TNFAIP8L1: variants seen among roughly 807,000 people sequenced by gnomAD.
TNFAIP8L1 encodes the protein tumor necrosis factor alpha-induced protein 8-like protein 1.
For missense variants in TNFAIP8L1, 225 were observed against 266.1 expected (o/e 0.85, Z 1.08); for synonymous variants, 127 against 125.6 (o/e 1.01, Z -0.08).
At chr19:4,651,405 C>T (rs1484509961) in intron 1 of TNFAIP8L1, among the ~76,000 whole-genome samples, 1 of 151,726 alleles carries the variant, frequency 6.6e-6, no homozygotes, top group African/African-American at 2.4e-5. Context: ...GTCTCAAACT[C>T]CTGGCCTCGC....
Position 4,652,541 on chromosome 19 carries a change from C to A in TNFAIP8L1, c.*111C>A. ...TCTTTTCTCCCAATCGGACTCCGGC[C>A]AAACTCCCCTAGACAGATGGGTGAC... On this transcript the variant is annotated 3_prime_UTR_variant, in exon 2 of 2. Transcript: ENST00000327473. The A allele has an allele frequency of 2.7e-6, 3 of 1,103,056 alleles. No individual in the cohort carries two copies. Among genetic ancestry groups the A allele is most frequent in the Non-Finnish European group, 2.5e-6 (2 of 785,976 alleles). The allele number at this position is 1,103,056 out of a possible 1,614,324, so 68.3% of individuals were successfully genotyped here.
Position 4,652,008 on chromosome 19 carries a change from A to G in TNFAIP8L1, c.139A>G (p.Arg47Gly). Residue 47 changes from arginine to glycine, a missense_variant, in exon 2 of 2, where the codon AGG (arginine) becomes GGG (glycine). Coordinates refer to ENST00000327473, the MANE Select transcript of TNFAIP8L1 (RefSeq NM_152362.3). ...EVLDELYRAT[R>G]EFTRSRKEAQ... The stretch of plus-strand genomic sequence containing the variant: ...GCTGGATGAGCTGTACCGCGCCACC[A>G]GGGAGTTCACGCGCAGCCGCAAGGA... 3 of 1,614,128 alleles carry G rather than the reference A, an allele frequency of 1.9e-6. No individual in the cohort carries two copies. The highest frequency in any genetic ancestry group is 2.5e-6 in the Non-Finnish European group (3 of 1,180,002).
Position 4,652,121 on chromosome 19 carries a change from G to C in TNFAIP8L1, c.252G>C (p.Leu84=), listed in dbSNP as rs1462345458. Residue 84 remains leucine, a synonymous_variant, in exon 2 of 2, where the codon CTG becomes CTC. Transcript: ENST00000327473. ...LRGDQLGGEE[L]ALLRRFRHRA... ...GGGACCAGCTGGGCGGTGAGGAGCT[G>C]GCGCTGCTGCGGCGCTTCCGCCACC... 2 of 1,584,188 alleles carry C rather than the reference G, an allele frequency of 1.3e-6. No individual in the cohort carries two copies. Among genetic ancestry groups the C allele is most frequent in the African/African-American group, 2.7e-5 (2 of 74,154 alleles).
At chr19:4,642,263 C>T (rs2088267929) in intron 1 of TNFAIP8L1, 1 of 152,148 alleles carries the variant, frequency 6.6e-6, no homozygotes, top group Non-Finnish European at 1.5e-5. Context: ...GCCGGATCAC[C>T]TGAGGTCAGG....
rs112877986 is a variant in TNFAIP8L1, at chr19:4,653,296, T to G, written c.*866T>G. The stretch of plus-strand genomic sequence containing the variant: ...TCCAGCCTGGGTGACAGAGCAAGAC[T>G]CTGTCTCAAAAAAAGAAGCGGGGGA... On this transcript the variant is annotated 3_prime_UTR_variant, in exon 2 of 2. Coordinates refer to ENST00000327473, the MANE Select transcript of TNFAIP8L1 (RefSeq NM_152362.3). 10,598 of 166,404 alleles carry G rather than the reference T, an allele frequency of 0.064. 392 individuals are homozygous for G. Among genetic ancestry groups the G allele is most frequent in the African/African-American group, 0.093 (3,826 of 41,154 alleles). 10.3% of individuals were successfully genotyped at this position (166,404 alleles called of 1,614,324 possible).
chr19:4,649,305 C>T (rs1415543109), intron 1 of TNFAIP8L1, among the ~76,000 whole-genome samples: 3 of 151,692 alleles, frequency 2.0e-5, no homozygotes, highest in East Asian at 1.9e-4. Flanking sequence ...GAGGTGGGCA[C>T]GGAAGGGCGG....
At chr19:4,647,069 T>C (rs975932605) in intron 1 of TNFAIP8L1, among the ~76,000 whole-genome samples, 1 of 152,222 alleles carries the variant, frequency 6.6e-6, no homozygotes, top group Non-Finnish European at 1.5e-5. Context: ...CTAGAGAACA[T>C]TCCATTGTTT....
At chr19:4,642,652 G>A (rs984198729) in intron 1 of TNFAIP8L1, among the ~76,000 whole-genome samples, 1 of 149,830 alleles carries the variant, frequency 6.7e-6, no homozygotes, top group Admixed American at 6.6e-5. Flanking sequence ...CACAGGTTGT[G>A]TAAAGGCCCT....
chr19:4,651,061 G>T (rs1388727244), intron 1 of TNFAIP8L1, among the ~76,000 whole-genome samples: 2 of 151,962 alleles, frequency 1.3e-5, no homozygotes, highest in African/African-American at 2.4e-5. Context: ...GGGACTGGAG[G>T]CACTGCCATA....
Position 4,654,058 on chromosome 19 carries a change from C to G in TNFAIP8L1, c.*1628C>G, listed in dbSNP as rs992526045. On this transcript the variant is annotated 3_prime_UTR_variant, in exon 2 of 2. Coordinates refer to ENST00000327473, the MANE Select transcript of TNFAIP8L1 (RefSeq NM_152362.3). ...AGATCCCCTTCAGCCTTGGAGGGAC[C>G]TAGCCCTGGCCACACCTTCATCTCA... The G allele has an allele frequency of 6.6e-6, 1 of 152,324 alleles. No homozygotes were observed. The allele number at this position is 152,324 out of a possible 1,614,324, so 9.4% of individuals were successfully genotyped here.
intron 1 of TNFAIP8L1, among the ~76,000 whole-genome samples, chr19:4,647,270 CTG>C (rs1298047281): frequency 4.6e-5 from 7 of 152,066 alleles, no homozygotes; most frequent in African/African-American, 1.4e-4. Context: ...CCTATGGTAA[CTG>C]TGTGTTTAGA....
rs2088379479 is a variant in TNFAIP8L1 at position 4,652,476 on chromosome 19, C to T, written c.*46C>T. Reference sequence around the variant, plus strand: ...CGCCCCTCGCGCCTTTTGGGGCTCTCCTGCTGGGCGCGGGTGGGGTTTGTG... The same window carrying T: ...CGCCCCTCGCGCCTTTTGGGGCTCTTCTGCTGGGCGCGGGTGGGGTTTGTG... On this transcript the variant is annotated 3_prime_UTR_variant, in exon 2 of 2. Transcript: ENST00000327473. The T allele has an allele frequency of 6.2e-6, 9 of 1,455,648 alleles. No individual in the cohort carries two copies. Among genetic ancestry groups the T allele is most frequent in the South Asian group, 1.4e-5 (1 of 70,142 alleles). The allele number at this position is 1,455,648 out of a possible 1,614,324, so 90.2% of individuals were successfully genotyped here.
chr19:4,652,078 T>G lies in TNFAIP8L1; in HGVS notation c.209T>G (p.Leu70Arg). Reference sequence around the variant, plus strand: ...AACCTGGTCAAGGTGGCCCTGAAGCTGGGACTGCTGCTGCGTGGGGACCAG... The same window carrying G: ...AACCTGGTCAAGGTGGCCCTGAAGCGGGGACTGCTGCTGCGTGGGGACCAG... ...LKNLVKVALK[L>R]GLLLRGDQLG... The change falls in exon 2 of 2, where the codon CTG (leucine) becomes CGG (arginine). Residue 70 changes from leucine to arginine, a missense_variant. By Grantham distance (102) the Leu-to-Arg change is moderately radical. Coordinates refer to ENST00000327473, the MANE Select transcript of TNFAIP8L1 (RefSeq NM_152362.3). 6.2e-7 allele frequency: 1 copy of G among 1,607,790 alleles called. No individual in the cohort carries two copies. The highest frequency in any genetic ancestry group is 8.5e-7 in the Non-Finnish European group (1 of 1,177,162).
At position 4,654,346 on chromosome 19, in the gene TNFAIP8L1, ATTTAT is replaced by A. The variant is rs1274760867; in HGVS notation, c.*1919_*1923del. 6.6e-6 allele frequency: 1 copy of A among 152,034 alleles called. No homozygotes were observed. The allele number at this position is 152,034 out of a possible 1,614,324, so 9.4% of individuals were successfully genotyped here. The stretch of plus-strand genomic sequence containing the variant: ...CCCACCTGAGATGTGTGCACATTTT[ATTTAT>A]TTATTGTTTTGAGACAAAGTCTCGC... On this transcript the variant is annotated 3_prime_UTR_variant, in exon 2 of 2. Transcript: ENST00000327473.
chr19:4,642,768 G>A (rs1294145175), intron 1 of TNFAIP8L1, among the ~76,000 whole-genome samples: 1 of 152,002 alleles, frequency 6.6e-6, no homozygotes, highest in Admixed American at 6.6e-5. Flanking sequence ...GGAGGGGACA[G>A]GGCAGGGTGC....
At chr19:4,644,605 ATT>A (rs553560316) in intron 1 of TNFAIP8L1, among the ~76,000 whole-genome samples, 2,695 of 88,404 alleles carry the variant, frequency 0.03, 45 homozygotes, top group African/African-American at 0.1. Context: ...TGAGTCATGG[ATT>A]TTTTTTTTTT....
intron 1 of TNFAIP8L1, among the ~76,000 whole-genome samples, chr19:4,646,157 T>G (rs1024199538): frequency 2.0e-5 from 3 of 151,976 alleles, no homozygotes; most frequent in African/African-American, 7.2e-5. Context: ...GGGAACAGTT[T>G]TTGCACCCAG....
Position 4,652,008 on chromosome 19 carries a change from A to C in TNFAIP8L1, c.139A>C (p.Arg47=). 6.2e-7 allele frequency: 1 copy of C among 1,614,128 alleles called. No individual in the cohort carries two copies. The highest frequency in any genetic ancestry group is 8.5e-7 in the Non-Finnish European group (1 of 1,180,002). Residue 47 remains arginine (R), a synonymous_variant, in exon 2 of 2, where the codon AGG becomes CGG. Transcript: ENST00000327473. ...EVLDELYRAT[R]EFTRSRKEAQ... ...GCTGGATGAGCTGTACCGCGCCACC[A>C]GGGAGTTCACGCGCAGCCGCAAGGA...
chr19:4,649,076 C>G (rs958996789), intron 1 of TNFAIP8L1, among the ~76,000 whole-genome samples: 3 of 151,646 alleles, frequency 2.0e-5, no homozygotes, highest in Non-Finnish European at 1.5e-5. Context: ...ACTACAGGCG[C>G]CCACCACCAT....
Sources: allele counts gnomAD v4.1 joint callset (sites outside exome capture counted in the v4.1 genomes callset), GRCh38; gene constraint gnomAD v4.1.1; transcripts MANE v1.5; gene names NCBI Gene and HGNC (gene_info 2026-07-23, HGNC 2026-07-21).